ATP8A2: variants seen among roughly 807,000 people sequenced by gnomAD.
ATP8A2 encodes the protein ATPase phospholipid transporting 8A2, also known as phospholipid-transporting ATPase IB.
In ATP8A2, 100 loss-of-function variants were observed where a neutral mutation model predicts 165.6. The ratio of observed to expected loss-of-function variants is 0.60; its 90% CI spans 0.51 to 0.71. The LOEUF (loss-of-function observed/expected upper bound fraction) is 0.71, where lower values mean the gene tolerates loss of function less well. ATP8A2 is among the 30% of genes least tolerant of loss of function. The probability of loss-of-function intolerance (pLI) is 0.00; values close to 1 mark genes in which losing one functional copy is unlikely to be tolerated. For missense variants in ATP8A2, 1,227 were observed against 1,479.5 expected (o/e 0.83, Z 2.80); for synonymous variants, 543 against 548.8 (o/e 0.99, Z 0.15).
intron 14 of ATP8A2, 40 bp downstream of exon 14, chr13:25,559,101 C>G (rs899651585): frequency 7.4e-7 from 1 of 1,358,262 alleles, no homozygotes; most frequent in Non-Finnish European, 1.0e-6. Flanking sequence ...TACTTGTATT[C>G]TTTCAAGAAA....
At chr13:25,602,592 GC>G (rs2040415310) in intron 24 of ATP8A2, among the ~76,000 whole-genome samples, 1 of 152,236 alleles carries the variant, frequency 6.6e-6, no homozygotes, top group South Asian at 2.1e-4. Context: ...TCCAGCAAAT[GC>G]AGAGGCAAAG....
At chr13:25,904,249 AT>A (rs1289696708) in intron 33 of ATP8A2, among the ~76,000 whole-genome samples, 1 of 152,192 alleles carries the variant, frequency 6.6e-6, no homozygotes. Context: ...GACCTGTCAA[AT>A]CAGAAACCTT....
At position 25,419,954 on chromosome 13, in the gene ATP8A2, G is replaced by T. The variant is rs565312182; in HGVS notation, c.76+47666G>T. Among the ~76,000 whole-genome samples, 257 of 152,268 alleles carry T rather than the reference G, an allele frequency of 1.7e-3. 1 individual carries two copies. The highest frequency in any genetic ancestry group is 6.0e-3 in the African/African-American group (250 of 41,556). On this transcript the variant is annotated intron_variant, in intron 1 of 36. Transcript: ENST00000381655. ...TCTGCTGACAATTGAAAGGAACAGA[G>T]AATTGAGGCAGGTGGGTGAATAGTT...
At chr13:25,531,263 ATATATATGATATATATGT>A (rs1566229218) in intron 4 of ATP8A2, among the ~76,000 whole-genome samples, 43 of 85,468 alleles carry the variant, frequency 5.0e-4, no homozygotes, top group African/African-American at 2.0e-3. Flanking sequence ...GATATATATG[ATATATATGATATATATGT>A]TATATATGAT....
chr13:25,939,868 C>T (rs1437078377), intron 33 of ATP8A2, among the ~76,000 whole-genome samples: 2 of 152,208 alleles, frequency 1.3e-5, no homozygotes, highest in Non-Finnish European at 2.9e-5. Context: ...CAGGCTTCGC[C>T]TTTCTTCTTC....
At chr13:25,384,305 C>A (rs1250971323) in intron 1 of ATP8A2, among the ~76,000 whole-genome samples, 2 of 152,106 alleles carry the variant, frequency 1.3e-5, no homozygotes, top group Non-Finnish European at 2.9e-5. Context: ...TCCTTTTATT[C>A]CATTTGTTGT....
intron 33 of ATP8A2, among the ~76,000 whole-genome samples, chr13:25,919,866 A>G (rs1230188432): frequency 6.6e-6 from 1 of 152,068 alleles, no homozygotes; most frequent in Non-Finnish European, 1.5e-5. Flanking sequence ...TAGCTCCCAT[A>G]ACCTTGAACT....
chr13:25,780,212 T>A (rs1285898981), intron 27 of ATP8A2, among the ~76,000 whole-genome samples: 8 of 152,226 alleles, frequency 5.3e-5, no homozygotes, highest in African/African-American at 1.9e-4. Flanking sequence ...AAGGAAGATA[T>A]GCCAAATTAT....
At chr13:25,656,690 G>A (rs1456895145) in intron 24 of ATP8A2, among the ~76,000 whole-genome samples, 1 of 149,434 alleles carries the variant, frequency 6.7e-6, no homozygotes, top group Non-Finnish European at 1.5e-5. Context: ...GCAGTGAGCT[G>A]AGATCGTGCC....
At chr13:25,782,880 C>T (rs1209186417) in intron 27 of ATP8A2, among the ~76,000 whole-genome samples, 2 of 152,082 alleles carry the variant, frequency 1.3e-5, no homozygotes. Context: ...GCTGGGATTA[C>T]AGGCACGTGC....
chr13:25,991,615 G>A (rs892692120), intron 35 of ATP8A2, among the ~76,000 whole-genome samples: 4 of 152,212 alleles, frequency 2.6e-5, no homozygotes, highest in African/African-American at 4.8e-5. Context: ...TTTTGTTAGT[G>A]ACATTTTCTT....
intron 33 of ATP8A2, among the ~76,000 whole-genome samples, chr13:25,891,378 A>G (rs181510364): frequency 5.9e-5 from 9 of 152,216 alleles, no homozygotes; most frequent in African/African-American, 1.7e-4. Flanking sequence ...GCTGGAGTGC[A>G]ATGGTGCGAT....
At chr13:25,522,434 C>A (rs2037701193) in intron 2 of ATP8A2, among the ~76,000 whole-genome samples, 1 of 152,114 alleles carries the variant, frequency 6.6e-6, no homozygotes, top group Non-Finnish European at 1.5e-5. Flanking sequence ...TCCAGGACTT[C>A]CAATACTATG....
chr13:25,500,219 G>A (rs1357536082), intron 2 of ATP8A2, among the ~76,000 whole-genome samples: 1 of 152,156 alleles, frequency 6.6e-6, no homozygotes, highest in African/African-American at 2.4e-5. Context: ...TAGGGTGAGC[G>A]AGGTGCCACA....
chr13:25,938,398 G>C (rs1231105146), intron 33 of ATP8A2, among the ~76,000 whole-genome samples: 1 of 152,128 alleles, frequency 6.6e-6, no homozygotes, highest in Non-Finnish European at 1.5e-5. Context: ...ATAAAACGTT[G>C]AAGTCTGAAA....
chr13:25,375,198 G>C (rs75433444), intron 1 of ATP8A2, among the ~76,000 whole-genome samples: 1 of 152,206 alleles, frequency 6.6e-6, no homozygotes, highest in African/African-American at 2.4e-5. Flanking sequence ...AACAAAGTCA[G>C]TGACAAATAT....
intron 10 of ATP8A2, among the ~76,000 whole-genome samples, chr13:25,550,122 T>C (rs1387600038): frequency 3.9e-5 from 6 of 152,010 alleles, no homozygotes; most frequent in African/African-American, 1.4e-4. Flanking sequence ...CTGGCCAATA[T>C]GGTGAAACCC....
intron 24 of ATP8A2, among the ~76,000 whole-genome samples, chr13:25,681,511 T>A (rs1042599116): frequency 1.3e-5 from 2 of 152,162 alleles, no homozygotes; most frequent in African/African-American, 4.8e-5. Context: ...GGTTAGGGCA[T>A]TGGTGCCTTT....
intron 33 of ATP8A2, among the ~76,000 whole-genome samples, chr13:25,931,685 A>G (rs1251048753): frequency 6.6e-6 from 1 of 152,196 alleles, no homozygotes; most frequent in Non-Finnish European, 1.5e-5. Flanking sequence ...AGCTGGGGGA[A>G]GAATCTTGAA....
Sources: allele counts gnomAD v4.1 joint callset (sites outside exome capture counted in the v4.1 genomes callset), GRCh38; gene constraint gnomAD v4.1.1; transcripts MANE v1.5; gene names NCBI Gene and HGNC (gene_info 2026-07-23, HGNC 2026-07-21).